GART: variants seen among roughly 807,000 people sequenced by gnomAD.
GART encodes the protein trifunctional purine biosynthetic protein adenosine-3.
GART carries 43 observed loss-of-function variants against 107.2 expected under a neutral mutation model. That is an observed-to-expected ratio of 0.40 (90% CI 0.31 to 0.52). The LOEUF (loss-of-function observed/expected upper bound fraction) is 0.52. Among genes scored for constraint, GART ranks in the 20% least tolerant of loss-of-function variants. The probability of loss-of-function intolerance (pLI) is 0.52; values close to 1 mark genes in which losing one functional copy is unlikely to be tolerated. For missense variants in GART, 1,107 were observed against 1,206.5 expected, an observed-to-expected ratio of 0.92 and a Z score of 1.22; for synonymous variants, 434 against 427.0, an observed-to-expected ratio of 1.02 and a Z score of -0.20.
At chr21:33,512,271 G>A (rs1001988627) in intron 16 of GART, among the ~76,000 whole-genome samples, 2 of 120,124 alleles carry the variant, frequency 1.7e-5, no homozygotes, top group African/African-American at 6.3e-5. Flanking sequence ...TGGACAGAGT[G>A]AGACTCCGAC....
intron 12 of GART, among the ~76,000 whole-genome samples, chr21:33,521,293 T>C (rs915030820): frequency 3.3e-5 from 5 of 152,094 alleles, no homozygotes; most frequent in Admixed American, 1.3e-4. Flanking sequence ...GAGATGCCCT[T>C]CCTGAGTATG....
intron 10 of GART, 49 bp from the exon 11 acceptor site, chr21:33,525,049 C>T (rs1361596923): frequency 5.7e-6 from 9 of 1,569,052 alleles, no homozygotes; most frequent in Non-Finnish European, 7.7e-6. Flanking sequence ...AACAGTATTT[C>T]ACACCGTGAA....
intron 4 of GART, among the ~76,000 whole-genome samples, chr21:33,532,666 A>G (rs1207764086): frequency 5.3e-5 from 8 of 152,246 alleles, no homozygotes; most frequent in Non-Finnish European, 1.2e-4. Flanking sequence ...CAGTACCTAC[A>G]ATTTTGCTTT....
At chr21:33,526,007 C>G (rs999364721) in intron 10 of GART, among the ~76,000 whole-genome samples, 11 of 150,298 alleles carry the variant, frequency 7.3e-5, no homozygotes, top group Admixed American at 6.6e-4. Context: ...GTAGCTGGGA[C>G]TACAGGTGCC....
At chr21:33,532,673 C>T (rs1248257672) in intron 4 of GART, among the ~76,000 whole-genome samples, 5 of 152,132 alleles carry the variant, frequency 3.3e-5, no homozygotes, top group Admixed American at 6.5e-5. Context: ...TACAATTTTG[C>T]TTTTTTCATT....
intron 17 of GART, 39 bp from the exon 18 acceptor site, chr21:33,509,959 T>TAAG (rs2084755581): frequency 1.3e-6 from 2 of 1,564,530 alleles, no homozygotes; most frequent in Non-Finnish European, 1.7e-6. Context: ...TAAAGAACAA[T>TAAG]TGTGAATTAA....
chr21:33,538,680 C>A (rs2085349526), intron 2 of GART, among the ~76,000 whole-genome samples: 1 of 152,184 alleles, frequency 6.6e-6, no homozygotes, highest in South Asian at 2.1e-4. Flanking sequence ...ATGCCATATT[C>A]TGAACAATAG....
chr21:33,519,008 CCTTAACTT>C (rs2084923950), intron 14 of GART: 1 of 276,134 alleles, frequency 3.6e-6, no homozygotes, highest in Non-Finnish European at 7.3e-6. Context: ...TATTGTTTAC[CCTTAACTT>C]CTTAAGGAGA....
At chr21:33,541,422 A>G (rs1474052355) in intron 1 of GART, among the ~76,000 whole-genome samples, 1 of 152,272 alleles carries the variant, frequency 6.6e-6, no homozygotes, top group East Asian at 1.9e-4. Flanking sequence ...CTGGGATTAC[A>G]TCACATCCGG....
At chr21:33,542,242 C>T (rs1007096460), upstream of GART, 1 of 152,292 alleles carries the variant, frequency 6.6e-6, no homozygotes, top group African/African-American at 2.4e-5. Flanking sequence ...GATTCCCTCC[C>T]GCCCTGGGCG....
intron 12 of GART, 30 bp from the exon 13 acceptor site, chr21:33,521,045 C>T (rs372012649): frequency 7.7e-5 from 117 of 1,513,288 alleles, no homozygotes; most frequent in Non-Finnish European, 9.9e-5. Flanking sequence ...TTACTTGCTA[C>T]ATTTTAATAG....
chr21:33,509,949 T>A, intron 17 of GART, 29 bp from the exon 18 acceptor site: 1 of 1,583,310 alleles, frequency 6.3e-7, no homozygotes, highest in Non-Finnish European at 8.6e-7. Flanking sequence ...CATAAATAAG[T>A]AAAGAACAAT....
intron 16 of GART, among the ~76,000 whole-genome samples, chr21:33,515,550 G>C (rs1421630491): frequency 2.1e-5 from 3 of 140,116 alleles, no homozygotes; most frequent in African/African-American, 7.8e-5. Context: ...TGAGGCAGGA[G>C]AATCAGTTGA....
At position 33,532,381 on chromosome 21, in the gene GART, T is replaced by G; in HGVS notation, c.492A>C (p.Lys164Asn). The G allele has an allele frequency of 6.2e-7, 1 of 1,614,130 alleles. No individual in the cohort carries two copies. The highest frequency in any genetic ancestry group is 1.1e-5 in the South Asian group (1 of 91,090). ...AGKGVIVAKS[K>N]EEACKAVQEI... The stretch of plus-strand genomic sequence containing the variant: ...CTTGTACAGCTTTGCAGGCCTCTTC[T>G]TTGCTCTTTGCAACAATCACCCCTT... The change falls in exon 5 of 22, where the codon AAA becomes AAC. Residue 164 changes from lysine to asparagine, a missense_variant. Transcript: ENST00000381815.
chr21:33,511,266 A>G lies in GART; in HGVS notation c.2300T>C (p.Val767Ala), dbSNP rs770625167. 6.2e-7 allele frequency: 1 copy of G among 1,614,218 alleles called. No individual in the cohort carries two copies. Among genetic ancestry groups the G allele is most frequent in the Non-Finnish European group, 8.5e-7 (1 of 1,180,038 alleles). ...GGAGCAAGTACCTTCAGCTCGTGCAACCACACTGCCAATCACCCAGGCTTC... is the reference window on the plus strand; with the variant it reads ...GGAGCAAGTACCTTCAGCTCGTGCAGCCACACTGCCAATCACCCAGGCTTC... ...KEEAWVIGSV[V>A]ARAEGSPRVK... The change falls in exon 17 of 22, where the codon GTT becomes GCT. Residue 767 changes from valine to alanine, a missense_variant. Physicochemically the swap from Val to Ala is moderately conservative, Grantham distance 64. Transcript: ENST00000381815.
At chr21:33,521,555 GCA>G (rs1416276343) in intron 12 of GART, among the ~76,000 whole-genome samples, 1 of 149,980 alleles carries the variant, frequency 6.7e-6, no homozygotes, top group African/African-American at 2.5e-5. Context: ...TGGCGTGAAT[GCA>G]GGAGGCAGAG....
rs1460258186 is a variant in GART at position 33,538,699 on chromosome 21, A to C, written c.145+472T>G. On this transcript the variant is annotated intron_variant, in intron 2 of 21. Coordinates refer to ENST00000381815, the MANE Select transcript of GART (RefSeq NM_000819.5). The stretch of plus-strand genomic sequence containing the variant: ...CATATTCTGAACAATAGGTTACCTT[A>C]AGTTTATAACATATTGGCAAGCATT... Among the ~76,000 whole-genome samples, 3 of 152,234 alleles carry C rather than the reference A, an allele frequency of 2.0e-5. No individual in the cohort carries two copies. In the East Asian group the frequency reaches 5.8e-4, roughly 29 times the overall value.
intron 14 of GART, among the ~76,000 whole-genome samples, chr21:33,519,599 G>A (rs2084934108): frequency 6.7e-6 from 1 of 149,514 alleles, no homozygotes; most frequent in East Asian, 1.9e-4. Context: ...AGGCTGTGAT[G>A]GGAAGATAGC....
chr21:33,529,990 C>T (rs930789233), intron 7 of GART, among the ~76,000 whole-genome samples: 1 of 151,738 alleles, frequency 6.6e-6, no homozygotes, highest in Non-Finnish European at 1.5e-5. Flanking sequence ...TCAAGAGATC[C>T]AGACCATACT....
Sources: allele counts gnomAD v4.1 joint callset (sites outside exome capture counted in the v4.1 genomes callset), GRCh38; gene constraint gnomAD v4.1.1; transcripts MANE v1.5; gene names NCBI Gene and HGNC (gene_info 2026-07-23, HGNC 2026-07-21).